SMG5: variants seen among roughly 807,000 people sequenced by gnomAD.
The protein encoded by SMG5 is nonsense-mediated mRNA decay factor SMG5.
Under a neutral mutation model 122.9 loss-of-function variants are expected in SMG5, and 53 were observed. The ratio of observed to expected loss-of-function variants is 0.43; its 90% CI spans 0.35 to 0.54. The LOEUF (loss-of-function observed/expected upper bound fraction) is 0.54. Among genes scored for constraint, SMG5 ranks in the 20% least tolerant of loss-of-function variants. The pLI is 0.01. For missense variants in SMG5, 1,153 were observed against 1,285.6 expected (o/e 0.90, Z 1.58); for synonymous variants, 477 against 490.2 (o/e 0.97, Z 0.35).
Position 156,263,442 on chromosome 1 carries a change from G to A in SMG5, c.1984C>T (p.Leu662=), listed in dbSNP as rs771910533. ...TCGGGGTTGGTCCGAAGCCAGTCCAGGAAGACTTTCACAGCAGGAAGCAGA... is the reference window on the plus strand; with the variant it reads ...TCGGGGTTGGTCCGAAGCCAGTCCAAGAAGACTTTCACAGCAGGAAGCAGA... ...EGLLPAVKVF[L]DWLRTNPDLI... The change falls in exon 13 of 22, where the codon CTG becomes TTG. Residue 662 remains leucine (L), a synonymous_variant. Coordinates refer to ENST00000361813, the MANE Select transcript of SMG5 (RefSeq NM_015327.3). 44 of 1,614,114 alleles carry A rather than the reference G, an allele frequency of 2.7e-5. No individual in the cohort carries two copies. The highest frequency in any genetic ancestry group is 1.2e-4 in the Admixed American group (7 of 60,012).
chr1:156,279,956 C>T (rs1268051830), intron 1 of SMG5, among the ~76,000 whole-genome samples: 2 of 152,216 alleles, frequency 1.3e-5, no homozygotes, highest in East Asian at 3.8e-4. Context: ...TTACGTCTCA[C>T]TTCACCCAAC....
At chr1:156,274,291 G>T (rs1409469963) in intron 5 of SMG5, among the ~76,000 whole-genome samples, 1 of 152,156 alleles carries the variant, frequency 6.6e-6, no homozygotes, top group Non-Finnish European at 1.5e-5. Flanking sequence ...AAAGATAAAA[G>T]AAACACTCAA....
upstream of SMG5, chr1:156,285,916 C>T (rs904959261): frequency 1.3e-6 from 2 of 1,509,480 alleles, no homozygotes; most frequent in East Asian, 2.6e-5. Flanking sequence ...CACGGCTGCC[C>T]ACCATGAGTT....
chr1:156,251,121 G>A, intron 20 of SMG5, 125 bp from the exon 21 acceptor site: 2 of 1,325,064 alleles, frequency 1.5e-6, no homozygotes, highest in Non-Finnish European at 2.1e-6. Context: ...GTGGGCCCTG[G>A]AAGCTGGCCC....
At chr1:156,275,178 A>T (rs1388866817) in intron 4 of SMG5, among the ~76,000 whole-genome samples, 2 of 151,212 alleles carry the variant, frequency 1.3e-5, no homozygotes, top group African/African-American at 4.9e-5. Context: ...AACAAAATTT[A>T]AAAAAGAAAA....
rs573532415 is a variant in SMG5 at position 156,272,611 on chromosome 1, C to T, written c.635-213G>A. ...TTTTGGAGATGGAGTCTCGCTCTGTCGCCCAGGCTGGAGTGCAGTGGTGTG... is the reference window on the plus strand; with the variant it reads ...TTTTGGAGATGGAGTCTCGCTCTGTTGCCCAGGCTGGAGTGCAGTGGTGTG... On this transcript the variant is annotated intron_variant, in intron 6 of 21. Coordinates refer to ENST00000361813, the MANE Select transcript of SMG5 (RefSeq NM_015327.3). 3.5e-4 allele frequency among the ~76,000 whole-genome samples: 53 copies of T among 151,518 alleles called. No individual in the cohort carries two copies. The South Asian group carries it at 9.8e-3, about 28-fold the overall frequency.
Position 156,272,358 on chromosome 1 carries a change from C to T in SMG5, c.675G>A (p.Lys225=), listed in dbSNP as rs748982965. 6 of 1,602,408 alleles carry T rather than the reference C, an allele frequency of 3.7e-6. No individual in the cohort carries two copies. The South Asian group carries it at 5.6e-5, about 15-fold the overall frequency. The stretch of plus-strand genomic sequence containing the variant: ...AATACATGGCTTCCACATTATAGTA[C>T]TTGCTGCCTGCCAGGGTGCCCAGCT... ...FNQLGTLAGS[K]YYNVEAMYCY... is the part of the protein sequence containing the mutation. Residue 225 remains lysine (K), a synonymous_variant, in exon 7 of 22, where the codon AAG becomes AAA. Transcript: ENST00000361813.
intron 4 of SMG5, 144 bp from the exon 5 acceptor site, chr1:156,274,830 A>G (rs1662608718): frequency 1.5e-6 from 1 of 650,722 alleles, no homozygotes; most frequent in Non-Finnish European, 2.8e-6. Flanking sequence ...ACACTCATCC[A>G]GGACACAGGG....
chr1:156,282,648 G>A lies in SMG5; in HGVS notation c.33C>T (p.Ser11=). Residue 11 remains serine (S), a synonymous_variant, in exon 1 of 22, where the codon AGC becomes AGT. Coordinates refer to ENST00000361813, the MANE Select transcript of SMG5 (RefSeq NM_015327.3). MSQGPPTGES[S]EPEAKVLHTK... ...TGTGGAGGACTTTTGCTTCGGGCTC[G>A]CTGCTCTCCCCTGTGGGGGGGCCTT... 6.2e-7 allele frequency: 1 copy of A among 1,607,970 alleles called. No individual in the cohort carries two copies.
At chr1:156,257,632 G>T (rs552089567) in intron 16 of SMG5, among the ~76,000 whole-genome samples, 18 of 152,218 alleles carry the variant, frequency 1.2e-4, no homozygotes, top group Middle Eastern at 3.4e-3. Context: ...TTCCCCTATG[G>T]ACTAGCAATA....
chr1:156,285,712 C>G (rs767436591), upstream of SMG5: 5 of 1,613,266 alleles, frequency 3.1e-6, no homozygotes, highest in African/African-American at 4.0e-5. Flanking sequence ...TCATGCCCCC[C>G]CGGGTCACCC....
At chr1:156,280,850 C>T (rs542805051) in intron 1 of SMG5, among the ~76,000 whole-genome samples, 1 of 152,338 alleles carries the variant, frequency 6.6e-6, no homozygotes, top group African/African-American at 2.4e-5. Flanking sequence ...GTTTCATTCA[C>T]TATTGTACTC....
intron 2 of SMG5, among the ~76,000 whole-genome samples, chr1:156,278,296 CTCTT>C (rs959052139): frequency 5.9e-5 from 9 of 151,998 alleles, no homozygotes; most frequent in African/African-American, 2.2e-4. Flanking sequence ...ACACTTCGCT[CTCTT>C]TTTCTCTGCT....
intron 7 of SMG5, among the ~76,000 whole-genome samples, chr1:156,269,158 C>CG (rs1308348791): frequency 1.3e-5 from 2 of 151,988 alleles, no homozygotes; most frequent in African/African-American, 4.8e-5. Flanking sequence ...TTAGTAGAGA[C>CG]GGGGTTTCAC....
Position 156,250,188 on chromosome 1 carries a change from C to T in SMG5, c.*399G>A. On this transcript the variant is annotated 3_prime_UTR_variant, in exon 22 of 22. Transcript: ENST00000361813. ...AGACCTAGAGGGTCCAAACTCCTGG[C>T]CCCAACCACCCTGCATCTTGGGTGA... The T allele has an allele frequency of 2.9e-6, 1 of 350,216 alleles. No homozygotes were observed. The highest frequency in any genetic ancestry group is 5.6e-6 in the Non-Finnish European group (1 of 177,666). 21.7% of individuals were successfully genotyped at this position (350,216 alleles called of 1,614,324 possible). A position where few individuals can be genotyped will look rare whatever the true frequency, so the allele number is the denominator to read the frequency against.
At chr1:156,285,275 T>C, upstream of SMG5, 1 of 1,565,880 alleles carries the variant, frequency 6.4e-7, no homozygotes. Context: ...GAGGTCTGAT[T>C]CCCCAGAGAA....
upstream of SMG5, chr1:156,286,100 C>T: frequency 2.1e-6 from 3 of 1,447,822 alleles, no homozygotes; most frequent in South Asian, 3.9e-5. Flanking sequence ...CAGGGTCTCC[C>T]ACCCCCTGCC....
intron 4 of SMG5, 44 bp downstream of exon 4, chr1:156,277,041 A>G: frequency 6.3e-7 from 1 of 1,594,214 alleles, no homozygotes; most frequent in Non-Finnish European, 8.6e-7. Flanking sequence ...CCAGAGGTAG[A>G]AGCATGAGAA....
chr1:156,271,566 GTTTTTTTT>G (rs755111375), intron 7 of SMG5, among the ~76,000 whole-genome samples: 3 of 82,286 alleles, frequency 3.6e-5, no homozygotes, highest in Non-Finnish European at 6.6e-5. Context: ...CCCTGAAGAG[GTTTTTTTT>G]TTTTTTTTTT....
Sources: gnomAD v4.1 joint callset for allele counts (sites outside exome capture counted in the v4.1 genomes callset) on GRCh38, gnomAD v4.1.1 for gene constraint, MANE v1.5 for transcripts, NCBI Gene and HGNC (gene_info 2026-07-23, HGNC 2026-07-21) for gene names.